Variants in CDK15 observed in about 807,000 individuals in gnomAD.
CDK15 encodes the protein cyclin-dependent kinase 15.
A neutral mutation model predicts 60.3 loss-of-function variants in CDK15; 62 were observed. The observed-to-expected ratio is 1.03, with a 90% CI of 0.84 to 1.27. CDK15 has a LOEUF of 1.27. Ranked by LOEUF, CDK15 falls within the 50% of genes most tolerant of loss-of-function variation. CDK15 has a pLI of 0.00. For missense variants in CDK15, 541 were observed against 527.8 expected, an observed-to-expected ratio of 1.03 and a Z score of -0.25; for synonymous variants, 194 against 195.7, an observed-to-expected ratio of 0.99 and a Z score of 0.07.
At chr2:201,889,497 T>C (rs1416151884) in intron 12 of CDK15, 1 of 860,240 alleles carries the variant, frequency 1.2e-6, no homozygotes, top group Non-Finnish European at 1.4e-6. Context: ...CTTACAGCAA[T>C]CTGCCAGGAA....
chr2:201,827,452 G>C (rs1429118999), intron 6 of CDK15, among the ~76,000 whole-genome samples: 1 of 152,058 alleles, frequency 6.6e-6, no homozygotes, highest in Non-Finnish European at 1.5e-5. Context: ...CCCTAAAAAA[G>C]AAAGAAATGT....
At chr2:201,830,690 CAGAG>C (rs1171613903) in intron 6 of CDK15, among the ~76,000 whole-genome samples, 2 of 152,158 alleles carry the variant, frequency 1.3e-5, no homozygotes, top group African/African-American at 4.8e-5. Context: ...CAGTGAATGA[CAGAG>C]AGGGATTGAG....
At chr2:201,872,257 C>A (rs368742674) in intron 10 of CDK15, 21 bp from the exon 11 acceptor site, 15 of 1,613,586 alleles carry the variant, frequency 9.3e-6, no homozygotes, top group Non-Finnish European at 1.3e-5. Flanking sequence ...TATTTTTTAA[C>A]GCCCTCTGTA....
chr2:201,849,680 T>A (rs150800333), intron 9 of CDK15, among the ~76,000 whole-genome samples: 1 of 152,288 alleles, frequency 6.6e-6, no homozygotes, highest in Non-Finnish European at 1.5e-5. Context: ...TGTAAAAGGA[T>A]GTATGTATAG....
In CDK15 at chr2:201,882,574, C is replaced by T. The variant is rs375321786; in HGVS notation, c.1198+2407C>T. Reference sequence around the variant, plus strand: ...TTCCTGCAGCGACATCTCGAATCCCCGAGGGAGAAGATGAAAGCGCCGGTG... The same window carrying T: ...TTCCTGCAGCGACATCTCGAATCCCTGAGGGAGAAGATGAAAGCGCCGGTG... On this transcript the variant is annotated intron_variant, in intron 12 of 13. Coordinates refer to ENST00000652192, the MANE Select transcript of CDK15 (RefSeq NM_001366386.2). This position sits in a 1 kb window ranked among gnomAD's most constrained non-coding sequence, Gnocchi z 4.0. 1.3e-5 allele frequency among the ~76,000 whole-genome samples: 2 copies of T among 151,516 alleles called. No individual in the cohort carries two copies. The highest frequency in any genetic ancestry group is 6.6e-5 in the Admixed American group (1 of 15,202).
At chr2:201,875,917 C>T (rs1574932555) in intron 11 of CDK15, among the ~76,000 whole-genome samples, 2 of 152,178 alleles carry the variant, frequency 1.3e-5, no homozygotes, top group Non-Finnish European at 2.9e-5. Flanking sequence ...TGGAACACTT[C>T]TCACCTCTTG....
chr2:201,865,060 G>A (rs929397519), intron 10 of CDK15, among the ~76,000 whole-genome samples: 5 of 152,092 alleles, frequency 3.3e-5, no homozygotes, highest in Admixed American at 2.6e-4. Flanking sequence ...AGCTAAAGGA[G>A]ACTAGTAGGT....
chr2:201,854,878 T>C lies in CDK15; in HGVS notation c.950T>C (p.Leu317Pro), dbSNP rs1698077572. Residue 317 changes from leucine to proline, a missense_variant, in exon 10 of 14, where the codon CTG (leucine) becomes CCG (proline). Leu to Pro is a moderately conservative substitution (Grantham distance 98, BLOSUM62 -3). Coordinates refer to ENST00000652192, the MANE Select transcript of CDK15 (RefSeq NM_001366386.2). ...TCTTTGTTTGGCTTTATATAGGTGC[T>C]GGGAGTCCCTACAGAGGATACTTGG... ...LEQLEKIWEVLGVPTEDTWPG... is the reference protein window; with the variant it reads ...LEQLEKIWEVPGVPTEDTWPG... 2 of 1,614,070 alleles carry C rather than the reference T, an allele frequency of 1.2e-6. No homozygotes were observed. The highest frequency in any genetic ancestry group is 1.7e-6 in the Non-Finnish European group (2 of 1,179,924).
At chr2:201,870,786 C>A (rs1223874822) in intron 10 of CDK15, among the ~76,000 whole-genome samples, 1 of 152,078 alleles carries the variant, frequency 6.6e-6, no homozygotes. Context: ...GCAGAAATAC[C>A]ATTTTGAATG....
chr2:201,835,573 C>T lies in CDK15; in HGVS notation c.731-70C>T, dbSNP rs575521485. On this transcript the variant is annotated intron_variant, in intron 7 of 13. Coordinates refer to ENST00000652192, the MANE Select transcript of CDK15 (RefSeq NM_001366386.2). Reference sequence around the variant, plus strand: ...GTTATTTTTTCTAATGGTGTTTACCCTGGTCCAGTGCATCATGGTGCAAGC... The same window carrying T: ...GTTATTTTTTCTAATGGTGTTTACCTTGGTCCAGTGCATCATGGTGCAAGC... 3.8e-4 allele frequency: 537 copies of T among 1,420,116 alleles called. 10 individuals are homozygous for T. The South Asian group carries it at 8.6e-3, about 23-fold the overall frequency. The allele number at this position is 1,420,116 out of a possible 1,614,324, so 88.0% of individuals were successfully genotyped here.
chr2:201,837,419 AG>A lies in CDK15; in HGVS notation c.851+1659del, dbSNP rs1459171925. 1.7e-3 allele frequency among the ~76,000 whole-genome samples: 128 copies of A among 77,362 alleles called. 1 individual carries two copies. The highest frequency in any genetic ancestry group is 6.4e-3 in the African/African-American group (121 of 18,952). 50.8% of individuals were successfully genotyped at this position (77,362 alleles called of 152,430 possible). On this transcript the variant is annotated intron_variant, in intron 8 of 13. Transcript: ENST00000652192. ...AGGGGGGAGAGGTGGGGAGGGAGGG[AG>A]GGAGGGAGGAAGGGAAGGAAGGAAG...
At chr2:201,816,949 T>C (rs989638458) in intron 4 of CDK15, among the ~76,000 whole-genome samples, 3 of 152,240 alleles carry the variant, frequency 2.0e-5, no homozygotes, top group African/African-American at 7.2e-5. Context: ...AATTTGCATA[T>C]AACTAAAAGT....
intron 12 of CDK15, among the ~76,000 whole-genome samples, chr2:201,885,073 G>A (rs73989603): frequency 0.14 from 21,670 of 152,028 alleles, 2,800 homozygotes; most frequent in African/African-American, 0.33. Context: ...AAGGAATGTC[G>A]TGTTCCTCTC....
chr2:201,806,796 A>T lies in CDK15; in HGVS notation c.123+9A>T. ...CGGAGGCTGCGTTCAAGGTATTTGT[A>T]TCCCAGGAGAGAGCATCTTTCTCTA... On this transcript the variant is annotated intron_variant, in intron 1 of 13. Coordinates refer to ENST00000652192, the MANE Select transcript of CDK15 (RefSeq NM_001366386.2). 2 of 1,598,036 alleles carry T rather than the reference A, an allele frequency of 1.3e-6. No individual in the cohort carries two copies. The highest frequency in any genetic ancestry group is 1.7e-6 in the Non-Finnish European group (2 of 1,179,368).
chr2:201,828,748 G>T (rs1471952687), intron 6 of CDK15, among the ~76,000 whole-genome samples: 2 of 152,182 alleles, frequency 1.3e-5, no homozygotes, highest in Admixed American at 6.5e-5. Flanking sequence ...CCACCCTCCA[G>T]AAGCCTCCAT....
chr2:201,839,404 C>T (rs1221353633), intron 8 of CDK15, among the ~76,000 whole-genome samples: 1 of 152,074 alleles, frequency 6.6e-6, no homozygotes, highest in African/African-American at 2.4e-5. Context: ...AACCTGCCAA[C>T]TAAATGTAAT....
rs984634114 is a variant in CDK15, at chr2:201,871,069, T to C, written c.1010-1209T>C. On this transcript the variant is annotated intron_variant, in intron 10 of 13. Transcript: ENST00000652192. The stretch of plus-strand genomic sequence containing the variant: ...GTGCTCCAATTTTTATTATCACCTA[T>C]TTTGGAATATTCAAGCCAGGATTCA... Among the ~76,000 whole-genome samples, 7 of 152,348 alleles carry C rather than the reference T, an allele frequency of 4.6e-5. No individual in the cohort carries two copies. The East Asian group carries it at 1.3e-3, about 29-fold the overall frequency.
chr2:201,824,859 T>G, intron 6 of CDK15: 3 of 601,462 alleles, frequency 5.0e-6, no homozygotes, highest in Non-Finnish European at 6.8e-6. Flanking sequence ...CCACAGGCCC[T>G]TCCCCTTCCC....
chr2:201,862,009 C>T (rs1698423289), intron 10 of CDK15, among the ~76,000 whole-genome samples: 1 of 152,166 alleles, frequency 6.6e-6, no homozygotes, highest in African/African-American at 2.4e-5. Flanking sequence ...GGCACCAGAA[C>T]TGACTTTTGT....
Sources: allele counts gnomAD v4.1 joint callset (sites outside exome capture counted in the v4.1 genomes callset), GRCh38; gene constraint gnomAD v4.1.1; non-coding constraint Gnocchi (gnomAD v3.1); transcripts MANE v1.5; gene names NCBI Gene and HGNC (gene_info 2026-07-23, HGNC 2026-07-21).